The following DGKG variants were observed in gnomAD, a reference collection of about 807,000 sequenced individuals.
DGKG encodes diacylglycerol kinase gamma.
DGKG carries 78 observed loss-of-function variants against 105.3 expected under a neutral mutation model. That is an observed-to-expected ratio of 0.74 (90% CI 0.62 to 0.89). DGKG has a LOEUF of 0.89. Among genes scored for constraint, DGKG ranks in the 40% least tolerant of loss-of-function variants. DGKG has a pLI of 0.00. For missense variants in DGKG, 958 were observed against 1,020.1 expected (o/e 0.94, Z 0.83); for synonymous variants, 346 against 367.1 (o/e 0.94, Z 0.66).
At chr3:186,327,522 TCCCAGTAGAGTAGCTGGGACTA>T (rs1725405626) in intron 1 of DGKG, among the ~76,000 whole-genome samples, 1 of 149,706 alleles carries the variant, frequency 6.7e-6, no homozygotes, top group Non-Finnish European at 1.5e-5. Context: ...CTCCCAGCCC[TCCCAGTAGAGTAGCTGGGACTA>T]GAGGTGTATG....
At chr3:186,176,856 G>T (rs937893685) in intron 22 of DGKG, among the ~76,000 whole-genome samples, 1 of 151,740 alleles carries the variant, frequency 6.6e-6, no homozygotes, top group East Asian at 1.9e-4. Context: ...GTGCAAAGGG[G>T]CAAAGGTCCC....
At chr3:186,160,510 G>T in intron 24 of DGKG, 1 of 985,274 alleles carries the variant, frequency 1.0e-6, no homozygotes, top group African/African-American at 1.7e-5. Flanking sequence ...TAAGATTGAG[G>T]TAAGATTTTT....
chr3:186,296,813 G>T (rs1049626348), intron 5 of DGKG, among the ~76,000 whole-genome samples: 1 of 152,230 alleles, frequency 6.6e-6, no homozygotes, highest in African/African-American at 2.4e-5. Context: ...TGGTGTGATT[G>T]TGAAGCTTAG....
intron 14 of DGKG, among the ~76,000 whole-genome samples, chr3:186,264,862 T>A (rs1336731700): frequency 3.3e-5 from 5 of 152,202 alleles, no homozygotes; most frequent in African/African-American, 9.7e-5. Flanking sequence ...AACTTTTAGA[T>A]CTGGTTAGCT....
At position 186,344,278 on chromosome 3, in the gene DGKG, A is replaced by G. The variant is rs571897287; in HGVS notation, c.-249+17668T>C. 9.8e-5 allele frequency among the ~76,000 whole-genome samples: 15 copies of G among 152,358 alleles called. 1 individual carries two copies. Among genetic ancestry groups the G allele is most frequent in the Middle Eastern group, 6.8e-3 (2 of 294 alleles). ...AGAATTCATTTGACCATAAAGACAC[A>G]TGTGTGCAAATGTTCACTGCAGCAC... On this transcript the variant is annotated intron_variant, in intron 1 of 24. Transcript: ENST00000265022.
At chr3:186,167,160 TG>T (rs958216653) in intron 22 of DGKG, among the ~76,000 whole-genome samples, 2 of 152,090 alleles carry the variant, frequency 1.3e-5, no homozygotes, top group Admixed American at 6.5e-5. Context: ...TACACAGATG[TG>T]GGACTGAGGA....
intron 20 of DGKG, among the ~76,000 whole-genome samples, chr3:186,234,215 C>A (rs1435311817): frequency 6.6e-6 from 1 of 152,234 alleles, no homozygotes; most frequent in Non-Finnish European, 1.5e-5. Context: ...GGCCAATGAT[C>A]ACTTCTCTCT....
Position 186,210,702 on chromosome 3 carries a change from G to C in DGKG, c.1917+1093C>G, listed in dbSNP as rs1403538820. 1 of 439,862 alleles carries C rather than the reference G, an allele frequency of 2.3e-6. No homozygotes were observed. Among genetic ancestry groups the C allele is most frequent in the Admixed American group, 2.5e-5 (1 of 40,370 alleles). 27.2% of individuals were successfully genotyped at this position (439,862 alleles called of 1,614,324 possible). A position where few individuals can be genotyped will look rare whatever the true frequency, so the allele number is the denominator to read the frequency against. ...CTCCAGGCCACAGGTGCCTCCTCCA[G>C]GGAGGCCCAGGCCCCACTGGACTGC... On this transcript the variant is annotated intron_variant, in intron 21 of 24. Transcript: ENST00000265022. The surrounding 1 kb of genome is among the most constrained non-coding windows in gnomAD (Gnocchi z 5.2).
At chr3:186,360,090 A>G (rs552260387) in intron 1 of DGKG, among the ~76,000 whole-genome samples, 13 of 152,214 alleles carry the variant, frequency 8.5e-5, no homozygotes, top group African/African-American at 3.1e-4. Flanking sequence ...ACACATGCAC[A>G]GCCTGGGCCT....
chr3:186,151,378 T>C (rs565759883), intron 24 of DGKG, among the ~76,000 whole-genome samples: 109 of 152,220 alleles, frequency 7.2e-4, no homozygotes, highest in Middle Eastern at 3.4e-3. Context: ...CACAGAACCA[T>C]CAACGAGTTT....
At chr3:186,299,837 CTTTT>C (rs67637144) in intron 3 of DGKG, among the ~76,000 whole-genome samples, 8,623 of 88,478 alleles carry the variant, frequency 0.097, 708 homozygotes, top group Middle Eastern at 0.11. Context: ...TTCTTTCTTT[CTTTT>C]TTTTTTTTTT....
intron 1 of DGKG, among the ~76,000 whole-genome samples, chr3:186,321,771 G>A (rs1341700173): frequency 6.6e-6 from 1 of 152,204 alleles, no homozygotes; most frequent in Non-Finnish European, 1.5e-5. Flanking sequence ...AACTAGAGCT[G>A]AGGGAAGATG....
At chr3:186,297,581 T>C in intron 4 of DGKG, 98 bp from the exon 5 acceptor site, 1 of 852,426 alleles carries the variant, frequency 1.2e-6, no homozygotes, top group Non-Finnish European at 2.0e-6. Flanking sequence ...TTTGCCTTGA[T>C]TGTGTCTGTG....
In DGKG at chr3:186,147,276, A is replaced by G. The variant is rs1458671205; in HGVS notation, c.*2814T>C. On this transcript the variant is annotated 3_prime_UTR_variant, in exon 25 of 25. Transcript: ENST00000265022. ...GTGAGAACATGTTTGTAGCATGGCC[A>G]GAATCAGAATAAGATAAGAAATAAG... 1.0e-6 allele frequency: 1 copy of G among 985,846 alleles called. No individual in the cohort carries two copies. The highest frequency in any genetic ancestry group is 1.2e-6 in the Non-Finnish European group (1 of 830,004). The allele number at this position is 985,846 out of a possible 1,614,324, so 61.1% of individuals were successfully genotyped here. A position where few individuals can be genotyped will look rare whatever the true frequency, so the allele number is the denominator to read the frequency against.
At chr3:186,172,995 A>G (rs546226184) in intron 22 of DGKG, among the ~76,000 whole-genome samples, 6 of 151,988 alleles carry the variant, frequency 3.9e-5, no homozygotes, top group African/African-American at 1.4e-4. Context: ...TTCCTCTGAG[A>G]CCCCTCCCTT....
At chr3:186,308,126 TAAAG>T (rs964260909) in intron 2 of DGKG, among the ~76,000 whole-genome samples, 4 of 152,116 alleles carry the variant, frequency 2.6e-5, no homozygotes, top group Non-Finnish European at 4.4e-5. Flanking sequence ...TGGAAGGGGA[TAAAG>T]AAAGACTCAG....
chr3:186,197,248 G>A (rs991734016), intron 21 of DGKG, among the ~76,000 whole-genome samples: 1 of 152,134 alleles, frequency 6.6e-6, no homozygotes, highest in African/African-American at 2.4e-5. Context: ...GAGGGCTGAG[G>A]AAGAGGCGGA....
At chr3:186,250,903 C>T (rs184667515) in intron 19 of DGKG, among the ~76,000 whole-genome samples, 2 of 152,076 alleles carry the variant, frequency 1.3e-5, no homozygotes, top group East Asian at 1.9e-4. Flanking sequence ...GCACTCCCAC[C>T]CCCTCCCAAC....
chr3:186,277,406 A>G (rs1426808007), intron 9 of DGKG, among the ~76,000 whole-genome samples: 2 of 152,208 alleles, frequency 1.3e-5, no homozygotes, highest in African/African-American at 2.4e-5. Flanking sequence ...CCAAGCCCAC[A>G]TAGATAATGA....
Sources: allele counts gnomAD v4.1 joint callset (sites outside exome capture counted in the v4.1 genomes callset), GRCh38; gene constraint gnomAD v4.1.1; non-coding constraint Gnocchi (gnomAD v3.1); transcripts MANE v1.5; gene names NCBI Gene and HGNC (gene_info 2026-07-23, HGNC 2026-07-21).